FAT3: variants seen among roughly 807,000 people sequenced by gnomAD.
The protein encoded by FAT3 is protocadherin Fat 3.
FAT3 carries 95 observed loss-of-function variants against 310.2 expected under a neutral mutation model. The observed-to-expected ratio is 0.31, with a 90% CI of 0.26 to 0.36. The LOEUF (loss-of-function observed/expected upper bound fraction) is 0.36. Ranked by LOEUF, FAT3 falls within the 10% of genes least tolerant of loss-of-function variation. The probability of loss-of-function intolerance (pLI) is 1.00; values close to 1 mark genes in which losing one functional copy is unlikely to be tolerated. For synonymous variants in FAT3, 2,314 were observed against 2,192.9 expected (o/e 1.06, Z -1.54); for missense variants, 5,408 against 5,715.6 (o/e 0.95, Z 1.74).
chr11:92,719,687 G>C (rs1028538057), intron 4 of FAT3, among the ~76,000 whole-genome samples: 1 of 150,476 alleles, frequency 6.6e-6, no homozygotes, highest in East Asian at 2.0e-4. Flanking sequence ...TTGAATCCAG[G>C]ACACAGAACC....
intron 21 of FAT3, among the ~76,000 whole-genome samples, chr11:92,860,800 C>T (rs1949101177): frequency 6.6e-6 from 1 of 152,140 alleles, no homozygotes; most frequent in Non-Finnish European, 1.5e-5. Flanking sequence ...TCACATAGGG[C>T]TTTACTTACC....
chr11:92,468,098 T>C (rs1227918097), intron 2 of FAT3, among the ~76,000 whole-genome samples: 1 of 152,200 alleles, frequency 6.6e-6, no homozygotes, highest in Non-Finnish European at 1.5e-5. Context: ...CTGAGTACAA[T>C]AGCCTCACTT....
chr11:92,352,335 C>A lies in FAT3; in HGVS notation c.223C>A (p.Leu75Ile). 6.4e-7 allele frequency: 1 copy of A among 1,574,566 alleles called. No individual in the cohort carries two copies. The highest frequency in any genetic ancestry group is 8.7e-7 in the Non-Finnish European group (1 of 1,155,570). ...TAGAATGGGCATCACCTTAATAGAT[C>A]TATCCTGGGATATCAAATACAGAAT... Reference protein sequence around the residue: ...QSRMGITLIDLSWDIKYRIVS... With the variant: ...QSRMGITLIDISWDIKYRIVS... Residue 75 changes from leucine to isoleucine, a missense_variant, in exon 2 of 28, where the codon CTA becomes ATA. Physicochemically the swap from Leu to Ile is conservative, Grantham distance 5. This residue lies in a region of FAT3 where 152 missense variants were observed against 188.3 expected (regional missense o/e 0.81). Coordinates refer to ENST00000525166, the MANE Select transcript of FAT3 (RefSeq NM_001367949.2).
At chr11:92,814,831 C>A (rs1947780004) in intron 13 of FAT3, among the ~76,000 whole-genome samples, 1 of 152,236 alleles carries the variant, frequency 6.6e-6, no homozygotes, top group South Asian at 2.1e-4. Flanking sequence ...ACCTGTGTAA[C>A]AAACCTACAC....
intron 3 of FAT3, among the ~76,000 whole-genome samples, chr11:92,588,410 T>C (rs896748788): frequency 3.9e-5 from 6 of 152,006 alleles, no homozygotes; most frequent in Admixed American, 3.9e-4. Flanking sequence ...ACTATTATTA[T>C]TGGCAGTGAC....
chr11:92,488,022 G>T (rs1193797025), intron 2 of FAT3, among the ~76,000 whole-genome samples: 2 of 152,186 alleles, frequency 1.3e-5, no homozygotes, highest in African/African-American at 4.8e-5. Context: ...AGGTGATGGG[G>T]TGTCACCCTT....
chr11:92,699,119 T>C (rs1944021604), intron 4 of FAT3, among the ~76,000 whole-genome samples: 1 of 152,228 alleles, frequency 6.6e-6, no homozygotes, highest in Non-Finnish European at 1.5e-5. Flanking sequence ...AGTAATGTTT[T>C]AGTACCTTGG....
rs1948608553 is a variant in FAT3, at chr11:92,352,905, A to G, written c.793A>G (p.Thr265Ala). The G allele has an allele frequency of 6.2e-7, 1 of 1,613,840 alleles. No individual in the cohort carries two copies. Among genetic ancestry groups the G allele is most frequent in the African/African-American group, 1.3e-5 (1 of 74,926 alleles). The change falls in exon 2 of 28, where the codon ACA becomes GCA. Residue 265 changes from threonine (T) to alanine (A), a missense_variant. Coordinates refer to ENST00000525166, the MANE Select transcript of FAT3 (RefSeq NM_001367949.2). ...HIERINEHAP[T>A]IHVVTHVPFS... ...TGAGCGCATAAATGAACATGCCCCA[A>G]CAATCCATGTAGTCACTCATGTTCC...
At chr11:92,879,789 C>T (rs1417424247) in intron 22 of FAT3, among the ~76,000 whole-genome samples, 2 of 152,044 alleles carry the variant, frequency 1.3e-5, no homozygotes, top group Admixed American at 6.6e-5. Context: ...CAAAAATAGT[C>T]AAATACTATG....
intron 3 of FAT3, among the ~76,000 whole-genome samples, chr11:92,685,474 T>C (rs528376447): frequency 6.6e-6 from 1 of 152,206 alleles, no homozygotes; most frequent in East Asian, 1.9e-4. Context: ...AAATGCTAAA[T>C]GAATATTCCC....
At chr11:92,784,450 G>A (rs1565591128) in intron 7 of FAT3, among the ~76,000 whole-genome samples, 1 of 152,074 alleles carries the variant, frequency 6.6e-6, no homozygotes, top group Non-Finnish European at 1.5e-5. Flanking sequence ...CCTACTGCTC[G>A]CCCCATGGAC....
At chr11:92,561,379 A>G (rs1955220755) in intron 3 of FAT3, among the ~76,000 whole-genome samples, 1 of 152,126 alleles carries the variant, frequency 6.6e-6, no homozygotes, top group Non-Finnish European at 1.5e-5. Context: ...TGACATTTAT[A>G]CAAAGAAAAG....
chr11:92,806,262 T>C, intron 11 of FAT3, 100 bp from the exon 12 acceptor site: 1 of 1,091,480 alleles, frequency 9.2e-7, no homozygotes, highest in South Asian at 1.6e-5. Flanking sequence ...AAAGCTAAAT[T>C]ATATAAATGA....
chr11:92,667,853 A>G (rs1409039917), intron 3 of FAT3, among the ~76,000 whole-genome samples: 1 of 152,082 alleles, frequency 6.6e-6, no homozygotes, highest in Non-Finnish European at 1.5e-5. Flanking sequence ...CTTTTTTTCT[A>G]CTGCCCAAAT....
intron 3 of FAT3, among the ~76,000 whole-genome samples, chr11:92,565,114 G>C (rs1955381171): frequency 7.4e-6 from 1 of 136,008 alleles, no homozygotes. Flanking sequence ...TTTTTGAAAG[G>C]ATCAACAAAA....
At chr11:92,249,664 A>G (rs554284186) in intron 1 of FAT3, among the ~76,000 whole-genome samples, 1 of 152,142 alleles carries the variant, frequency 6.6e-6, no homozygotes, top group African/African-American at 2.4e-5. Flanking sequence ...TCCCTCCTTC[A>G]GCTTCATATG....
intron 1 of FAT3, among the ~76,000 whole-genome samples, chr11:92,313,145 C>T (rs1283027137): frequency 6.6e-6 from 1 of 152,118 alleles, no homozygotes; most frequent in Non-Finnish European, 1.5e-5. Context: ...TCAAGACAAG[C>T]ATAAAACAAA....
At chr11:92,262,150 C>T (rs957902490) in intron 1 of FAT3, among the ~76,000 whole-genome samples, 1 of 152,042 alleles carries the variant, frequency 6.6e-6, no homozygotes, top group African/African-American at 2.4e-5. Context: ...TAAGAACCTC[C>T]TAAGAAGTGA....
intron 3 of FAT3, among the ~76,000 whole-genome samples, chr11:92,693,833 T>G (rs571170180): frequency 6.6e-6 from 1 of 152,306 alleles, no homozygotes; most frequent in African/African-American, 2.4e-5. Context: ...AACCGTAAAA[T>G]TTCAATGTTT....
Sources: allele counts gnomAD v4.1 joint callset (sites outside exome capture counted in the v4.1 genomes callset), GRCh38; gene constraint gnomAD v4.1.1; regional missense constraint gnomAD v4.1.1; transcripts MANE v1.5; gene names NCBI Gene and HGNC (gene_info 2026-07-23, HGNC 2026-07-21).